Variants in MSH4 observed in about 807,000 individuals in gnomAD.
The protein encoded by MSH4 is mutS homolog 4.
A neutral mutation model predicts 113.7 loss-of-function variants in MSH4; 106 were observed. The observed-to-expected ratio is 0.93, with a 90% CI of 0.80 to 1.10. The LOEUF is 1.10. Ranked by LOEUF, MSH4 falls within the 50% of genes least tolerant of loss-of-function variation. The pLI is 0.00. For synonymous variants in MSH4, 368 were observed against 380.2 expected (o/e 0.97, Z 0.37); for missense variants, 1,061 against 1,093.7 (o/e 0.97, Z 0.42).
intron 17 of MSH4, among the ~76,000 whole-genome samples, chr1:75,892,638 T>G (rs943760856): frequency 6.6e-6 from 1 of 152,156 alleles, no homozygotes; most frequent in Non-Finnish European, 1.5e-5. Flanking sequence ...GCTCCTAGTG[T>G]CACTAGACAA....
intron 17 of MSH4, among the ~76,000 whole-genome samples, chr1:75,895,643 A>G (rs1652363354): frequency 6.6e-6 from 1 of 152,098 alleles, no homozygotes; most frequent in Admixed American, 6.6e-5. Flanking sequence ...TTATTCTCTT[A>G]TAATGTAACA....
chr1:75,861,521 A>G (rs1651454703), intron 8 of MSH4, among the ~76,000 whole-genome samples: 1 of 152,018 alleles, frequency 6.6e-6, no homozygotes. Flanking sequence ...CAGACAGGCC[A>G]CTCAGCTGCA....
At chr1:75,847,618 T>C (rs1651102516) in intron 7 of MSH4, among the ~76,000 whole-genome samples, 1 of 152,104 alleles carries the variant, frequency 6.6e-6, no homozygotes, top group African/African-American at 2.4e-5. Context: ...TCCAAGAGTA[T>C]GGCATTGGCA....
intron 8 of MSH4, among the ~76,000 whole-genome samples, chr1:75,860,032 T>C (rs986572417): frequency 1.3e-5 from 2 of 152,156 alleles, no homozygotes; most frequent in Non-Finnish European, 2.9e-5. Flanking sequence ...TCTTTGTCCT[T>C]TTTTATCTTT....
chr1:75,830,894 T>C (rs1202925223), intron 7 of MSH4, among the ~76,000 whole-genome samples: 1 of 152,080 alleles, frequency 6.6e-6, no homozygotes, highest in Non-Finnish European at 1.5e-5. Flanking sequence ...ACGAGCAAAA[T>C]CACCAGCTAA....
intron 7 of MSH4, among the ~76,000 whole-genome samples, chr1:75,847,349 G>T (rs1272039917): frequency 6.6e-6 from 1 of 152,196 alleles, no homozygotes; most frequent in Non-Finnish European, 1.5e-5. Context: ...AACAGCTATT[G>T]TTTAGAGAAG....
intron 19 of MSH4, among the ~76,000 whole-genome samples, chr1:75,907,301 T>C (rs1331912790): frequency 6.6e-6 from 1 of 152,082 alleles, no homozygotes; most frequent in East Asian, 1.9e-4. Flanking sequence ...GCAGTTTTTT[T>C]CCCTTCAGCA....
At chr1:75,856,098 C>G (rs1651309839) in intron 8 of MSH4, among the ~76,000 whole-genome samples, 1 of 152,056 alleles carries the variant, frequency 6.6e-6, no homozygotes, top group South Asian at 2.1e-4. Flanking sequence ...TGAGAAATAT[C>G]TGTGAATAGC....
intron 8 of MSH4, 128 bp downstream of exon 8, chr1:75,848,404 T>C (rs906526478): frequency 3.5e-5 from 25 of 708,312 alleles, no homozygotes; most frequent in Non-Finnish European, 6.0e-5. Flanking sequence ...ATATCTGGAG[T>C]ATTTTATGCC....
At chr1:75,867,657 T>A in intron 9 of MSH4, 69 bp downstream of exon 9, 1 of 1,069,700 alleles carries the variant, frequency 9.3e-7, no homozygotes, top group Non-Finnish European at 1.4e-6. Context: ...TGGAAAAAAA[T>A]TTCAAACTCG....
intron 13 of MSH4, 132 bp downstream of exon 13, chr1:75,880,285 G>T (rs1651902856): frequency 3.5e-6 from 2 of 568,990 alleles, no homozygotes. Flanking sequence ...AAGGAAGTCT[G>T]TCTTTGTGAT....
At position 75,816,366 on chromosome 1, in the gene MSH4, C is replaced by A; in HGVS notation, c.816-7C>A. ...CTTATAGTGATGTATTATTGGTCAT[C>A]TTTTAGGTATTACTGCCTTGCAGCT... On this transcript the variant is annotated splice_region_variant and splice_polypyrimidine_tract_variant and intron_variant, in intron 5 of 19. Coordinates refer to ENST00000263187, the MANE Select transcript of MSH4 (RefSeq NM_002440.4). 6.3e-7 allele frequency: 1 copy of A among 1,585,428 alleles called. No individual in the cohort carries two copies. Among genetic ancestry groups the A allele is most frequent in the Non-Finnish European group, 8.6e-7 (1 of 1,162,660 alleles).
At chr1:75,835,228 C>T (rs750949144) in intron 7 of MSH4, among the ~76,000 whole-genome samples, 3 of 152,134 alleles carry the variant, frequency 2.0e-5, no homozygotes, top group African/African-American at 7.2e-5. Context: ...CTTTAATTAG[C>T]GTAATTCCTT....
intron 7 of MSH4, among the ~76,000 whole-genome samples, chr1:75,834,753 A>G (rs1650791245): frequency 6.6e-6 from 1 of 152,124 alleles, no homozygotes; most frequent in Admixed American, 6.6e-5. Flanking sequence ...ACACGGGATA[A>G]GGAACCACAC....
intron 8 of MSH4, among the ~76,000 whole-genome samples, chr1:75,860,246 C>T (rs1651425664): frequency 6.6e-6 from 1 of 152,136 alleles, no homozygotes; most frequent in South Asian, 2.1e-4. Flanking sequence ...TTAATTGGAG[C>T]ATTTATCCCA....
chr1:75,818,248 A>G (rs1234222447), intron 6 of MSH4, among the ~76,000 whole-genome samples: 1 of 152,128 alleles, frequency 6.6e-6, no homozygotes, highest in African/African-American at 2.4e-5. Flanking sequence ...TTACAATAGA[A>G]TCCAGACTCT....
At chr1:75,840,630 G>A (rs1038653061) in intron 7 of MSH4, among the ~76,000 whole-genome samples, 2 of 149,632 alleles carry the variant, frequency 1.3e-5, no homozygotes, top group Admixed American at 6.7e-5. Flanking sequence ...TAACTAACCT[G>A]CACATTGTGC....
At chr1:75,821,789 G>A (rs1376353701) in intron 6 of MSH4, among the ~76,000 whole-genome samples, 1 of 151,976 alleles carries the variant, frequency 6.6e-6, no homozygotes, top group Non-Finnish European at 1.5e-5. Context: ...TTAGTTTTTT[G>A]TAGACTCGGG....
intron 9 of MSH4, among the ~76,000 whole-genome samples, chr1:75,875,876 G>C (rs1043597317): frequency 6.6e-6 from 1 of 152,084 alleles, no homozygotes; most frequent in Non-Finnish European, 1.5e-5. Context: ...TATAAATTCA[G>C]AGTTGGGAAT....
Sources: allele counts gnomAD v4.1 joint callset (sites outside exome capture counted in the v4.1 genomes callset), GRCh38; gene constraint gnomAD v4.1.1; transcripts MANE v1.5; gene names NCBI Gene and HGNC (gene_info 2026-07-23, HGNC 2026-07-21).